RBL1: variants seen among roughly 807,000 people sequenced by gnomAD.
RBL1 encodes retinoblastoma-like protein 1.
In RBL1, 82 loss-of-function variants were observed where a neutral mutation model predicts 123.0. The ratio of observed to expected loss-of-function variants is 0.67; its 90% confidence interval spans 0.56 to 0.80. The LOEUF (loss-of-function observed/expected upper bound fraction) is 0.80, where lower values mean the gene tolerates loss of function less well. RBL1 is among the 30% of genes least tolerant of loss of function. The pLI, the probability that RBL1 is intolerant of heterozygous loss-of-function variation, is 0.00. For missense variants in RBL1, 1,171 were observed against 1,299.6 expected (o/e 0.90, Z 1.52); for synonymous variants, 405 against 441.3 (o/e 0.92, Z 1.03).
chr20:37,044,059 A>C, intron 13 of RBL1, 27 bp downstream of exon 13: 1 of 1,409,678 alleles, frequency 7.1e-7, no homozygotes, highest in African/African-American at 1.5e-5. Context: ...TTTTAATGAT[A>C]CGATTATCAG....
intron 16 of RBL1, among the ~76,000 whole-genome samples, chr20:37,024,919 A>ACTCTT (rs2064396448): frequency 6.6e-6 from 1 of 151,934 alleles, no homozygotes; most frequent in Non-Finnish European, 1.5e-5. Flanking sequence ...AAAGAGCAAG[A>ACTCTT]CTCTCCCTCA....
intron 12 of RBL1, among the ~76,000 whole-genome samples, chr20:37,046,833 G>A (rs1169724147): frequency 1.3e-5 from 2 of 151,608 alleles, no homozygotes; most frequent in South Asian, 2.1e-4. Context: ...GGCTGGTCTC[G>A]AACTCCTGAC....
At position 37,040,299 on chromosome 20, in the gene RBL1, A is replaced by T; in HGVS notation, c.1771-14T>A. ...TGGGAATATAACCTGTAGAAAACAA[A>T]AACCCTTTGATTTACATATAGATAA... On this transcript the variant is annotated splice_polypyrimidine_tract_variant and intron_variant, in intron 13 of 21. Transcript: ENST00000373664. 6.2e-7 allele frequency: 1 copy of T among 1,609,190 alleles called. No individual in the cohort carries two copies. The highest frequency in any genetic ancestry group is 8.5e-7 in the Non-Finnish European group (1 of 1,178,688).
Position 37,068,133 on chromosome 20 carries a change from G to A in RBL1, c.344C>T (p.Pro115Leu), listed in dbSNP as rs779162060. 6.2e-7 allele frequency: 1 copy of A among 1,611,094 alleles called. No individual in the cohort carries two copies. The highest frequency in any genetic ancestry group is 2.2e-5 in the East Asian group (1 of 44,778). ...MKKWMDMSNLPQEFRERIERL... is the reference protein window; with the variant it reads ...MKKWMDMSNLLQEFRERIERL... The stretch of plus-strand genomic sequence containing the variant: ...TTCTATACGTTCACGAAATTCTTGT[G>A]GTAGATTTGACATGTCCATCCATTT... Residue 115 changes from proline (P) to leucine (L), a missense_variant, in exon 3 of 22, where the codon CCA becomes CTA. Pro to Leu is a moderately conservative substitution (Grantham distance 98, BLOSUM62 -3). Coordinates refer to ENST00000373664, the MANE Select transcript of RBL1 (RefSeq NM_002895.5).
Position 37,035,511 on chromosome 20 carries a change from A to G in RBL1, c.1904-3T>C, listed in dbSNP as rs746049706. ...AATTGGAGACAATGGTTGCATATCT[A>G]AAAAAAAATAATAAATTTAAAACAG... On this transcript the variant is annotated splice_polypyrimidine_tract_variant and splice_region_variant and intron_variant, in intron 14 of 21. Coordinates refer to ENST00000373664, the MANE Select transcript of RBL1 (RefSeq NM_002895.5). 2 of 1,467,508 alleles carry G rather than the reference A, an allele frequency of 1.4e-6. No homozygotes were observed. Among genetic ancestry groups the G allele is most frequent in the Non-Finnish European group, 1.8e-6 (2 of 1,090,648 alleles). The allele number at this position is 1,467,508 out of a possible 1,614,324, so 90.9% of individuals were successfully genotyped here.
intron 1 of RBL1, among the ~76,000 whole-genome samples, chr20:37,095,014 T>C (rs2065707651): frequency 6.6e-6 from 1 of 152,198 alleles, no homozygotes; most frequent in Non-Finnish European, 1.5e-5. Context: ...AGCAGTCTAA[T>C]ACTCATTGCC....
At chr20:37,005,847 C>T (rs1038291247) in intron 20 of RBL1, among the ~76,000 whole-genome samples, 8 of 150,496 alleles carry the variant, frequency 5.3e-5, no homozygotes, top group African/African-American at 1.5e-4. Flanking sequence ...ATTGGCTGTC[C>T]GGCTGCAGCT....
At chr20:37,064,072 C>T (rs1487919583) in intron 7 of RBL1, among the ~76,000 whole-genome samples, 1 of 151,864 alleles carries the variant, frequency 6.6e-6, no homozygotes, top group South Asian at 2.1e-4. Context: ...ATCTGGCTGC[C>T]TTGGCCTTCC....
intron 2 of RBL1, among the ~76,000 whole-genome samples, chr20:37,071,359 C>A (rs1033895772): frequency 6.6e-6 from 1 of 152,092 alleles, no homozygotes; most frequent in African/African-American, 2.4e-5. Context: ...TCTCATGTTG[C>A]AATGTAATTT....
chr20:37,072,513 G>A (rs2065298318), intron 2 of RBL1, among the ~76,000 whole-genome samples: 6 of 152,018 alleles, frequency 3.9e-5, no homozygotes, highest in Admixed American at 3.9e-4. Flanking sequence ...AAAAAAAAAA[G>A]ACTGTTTTTA....
chr20:37,077,853 T>C (rs2065389846), intron 2 of RBL1, among the ~76,000 whole-genome samples: 2 of 152,064 alleles, frequency 1.3e-5, no homozygotes, highest in South Asian at 2.1e-4. Flanking sequence ...AAATTTTACA[T>C]TGATAAAATA....
chr20:37,032,539 A>T (rs991069460), intron 16 of RBL1, 126 bp downstream of exon 16: 4 of 1,423,222 alleles, frequency 2.8e-6, no homozygotes, highest in Non-Finnish European at 3.7e-6. Context: ...ACACTTAAAA[A>T]TGGTTAAAAT....
intron 2 of RBL1, among the ~76,000 whole-genome samples, chr20:37,069,797 G>T (rs1288150232): frequency 6.6e-6 from 1 of 151,408 alleles, no homozygotes; most frequent in East Asian, 2.0e-4. Flanking sequence ...GGAGGGAGGT[G>T]GGGGGGTCAG....
At chr20:37,069,762 C>A (rs2065252270) in intron 2 of RBL1, among the ~76,000 whole-genome samples, 1 of 151,754 alleles carries the variant, frequency 6.6e-6, no homozygotes, top group Non-Finnish European at 1.5e-5. Context: ...GGGTCAGCCC[C>A]CCGCCAGGCC....
chr20:37,031,069 A>T (rs2064504305), intron 16 of RBL1, among the ~76,000 whole-genome samples: 1 of 152,110 alleles, frequency 6.6e-6, no homozygotes, highest in Non-Finnish European at 1.5e-5. Flanking sequence ...CATAATAAAT[A>T]TAAGAGCTAA....
rs550923921 is a variant in RBL1, at chr20:37,047,955, G to A, written c.1468-765C>T. Among the ~76,000 whole-genome samples the A allele has an allele frequency of 5.4e-4, 82 of 152,048 alleles. 1 individual carries two copies. The highest frequency in any genetic ancestry group is 7.9e-4 in the Admixed American group (12 of 15,254). On this transcript the variant is annotated intron_variant, in intron 11 of 21. Transcript: ENST00000373664. Reference sequence around the variant, plus strand: ...AGATCACGCCACCACACTCCATACTGGGCGACACAGCGAGACTCAGTCTCA... The same window carrying A: ...AGATCACGCCACCACACTCCATACTAGGCGACACAGCGAGACTCAGTCTCA...
intron 2 of RBL1, among the ~76,000 whole-genome samples, chr20:37,085,137 T>TTCTTTTC (rs2065519926): frequency 6.6e-6 from 1 of 150,436 alleles, no homozygotes; most frequent in Non-Finnish European, 1.5e-5. Flanking sequence ...CTTTTCTTTT[T>TTCTTTTC]TTTTTTTTTT....
intron 18 of RBL1, among the ~76,000 whole-genome samples, chr20:37,020,442 G>A (rs1013062366): frequency 2.0e-5 from 3 of 152,098 alleles, no homozygotes; most frequent in Admixed American, 6.6e-5. Flanking sequence ...CTTATGAGAA[G>A]TATATGAAAG....
At chr20:37,081,008 T>C (rs1218678587) in intron 2 of RBL1, among the ~76,000 whole-genome samples, 1 of 152,138 alleles carries the variant, frequency 6.6e-6, no homozygotes, top group East Asian at 1.9e-4. Flanking sequence ...TCCCCAAAAA[T>C]ATCTTGAGGT....
Sources: allele counts gnomAD v4.1 joint callset (sites outside exome capture counted in the v4.1 genomes callset), GRCh38; gene constraint gnomAD v4.1.1; transcripts MANE v1.5; gene names NCBI Gene and HGNC (gene_info 2026-07-23, HGNC 2026-07-21).